The following EXOC6B variants were observed in gnomAD, a reference collection of about 807,000 sequenced individuals.
The protein encoded by EXOC6B is exocyst complex component 6B.
A neutral mutation model predicts 113.5 loss-of-function variants in EXOC6B; 54 were observed. The observed-to-expected ratio is 0.48, with a 90% CI of 0.38 to 0.60. The LOEUF is 0.60. EXOC6B is among the 20% of genes least tolerant of loss of function. EXOC6B has a pLI of 0.00. For synonymous variants in EXOC6B, 357 were observed against 339.0 expected (o/e 1.05, Z -0.58); for missense variants, 797 against 977.5 (o/e 0.82, Z 2.46).
chr2:72,449,869 C>T (rs369543595), intron 18 of EXOC6B, among the ~76,000 whole-genome samples: 1 of 152,230 alleles, frequency 6.6e-6, no homozygotes. Flanking sequence ...ACATGGATTG[C>T]CTTTGCACCA....
chr2:72,741,106 A>C (rs1244230649), intron 2 of EXOC6B, among the ~76,000 whole-genome samples, 198 bp downstream of exon 2: 4 of 152,152 alleles, frequency 2.6e-5, no homozygotes, highest in African/African-American at 9.7e-5. Context: ...TCCGCCTCAA[A>C]AAAAAAAGGG....
intron 8 of EXOC6B, among the ~76,000 whole-genome samples, chr2:72,520,753 A>G (rs1236560625): frequency 6.6e-6 from 1 of 152,224 alleles, no homozygotes; most frequent in Admixed American, 6.5e-5. Flanking sequence ...AATATGAGCA[A>G]ATATTCTCCT....
intron 18 of EXOC6B, among the ~76,000 whole-genome samples, chr2:72,387,454 C>T (rs1425783388): frequency 6.6e-6 from 1 of 151,976 alleles, no homozygotes; most frequent in Non-Finnish European, 1.5e-5. Flanking sequence ...GAAATCTCAG[C>T]CTGTAGTTTC....
intron 6 of EXOC6B, among the ~76,000 whole-genome samples, chr2:72,655,291 T>C (rs982547475): frequency 3.9e-5 from 6 of 152,172 alleles, no homozygotes; most frequent in Admixed American, 6.5e-5. Flanking sequence ...AATAACTGCA[T>C]GCTAACTTAT....
chr2:72,339,740 T>C (rs1011038852), intron 19 of EXOC6B, among the ~76,000 whole-genome samples: 13 of 152,132 alleles, frequency 8.5e-5, no homozygotes, highest in Non-Finnish European at 1.8e-4. Flanking sequence ...GCCAATTCAT[T>C]TGAAATTTAT....
At chr2:72,209,238 A>G (rs1371399787) in intron 20 of EXOC6B, among the ~76,000 whole-genome samples, 1 of 148,222 alleles carries the variant, frequency 6.7e-6, no homozygotes, top group African/African-American at 2.5e-5. Flanking sequence ...AAAAAAAAAA[A>G]AAAAAAAAAG....
At chr2:72,387,854 A>G (rs1054859650) in intron 18 of EXOC6B, among the ~76,000 whole-genome samples, 2 of 151,650 alleles carry the variant, frequency 1.3e-5, no homozygotes, top group African/African-American at 4.9e-5. Context: ...CCTTTTTCCT[A>G]TTGAGCTGGG....
Position 72,723,741 on chromosome 2 carries a change from T to TA in EXOC6B, c.465-5435dup, listed in dbSNP as rs538661620. 5.0e-3 allele frequency among the ~76,000 whole-genome samples: 542 copies of TA among 108,372 alleles called. 2 individuals are homozygous for TA. The highest frequency in any genetic ancestry group is 7.8e-3 in the African/African-American group (245 of 31,286). 71.1% of individuals were successfully genotyped at this position (108,372 alleles called of 152,430 possible). A position where few individuals can be genotyped will look rare whatever the true frequency, so the allele number is the denominator to read the frequency against. ...AGTAGAAAAATCAGTATTTATAGCT[T>TA]AAAAAAAAAAAAAAAAAAGACTTCT... is the stretch of plus-strand genomic sequence containing the variant. On this transcript the variant is annotated intron_variant, in intron 5 of 21. Coordinates refer to ENST00000272427, the MANE Select transcript of EXOC6B (RefSeq NM_015189.3).
intron 6 of EXOC6B, among the ~76,000 whole-genome samples, chr2:72,625,082 G>A (rs1280121102): frequency 6.7e-6 from 1 of 149,578 alleles, no homozygotes; most frequent in African/African-American, 2.5e-5. Context: ...GGGGTGGGTT[G>A]TTTTGTTTTG....
intron 19 of EXOC6B, among the ~76,000 whole-genome samples, chr2:72,351,242 A>C (rs776051753): frequency 8.5e-5 from 13 of 152,228 alleles, no homozygotes; most frequent in Non-Finnish European, 1.3e-4. Context: ...TGATGCCTAC[A>C]AAGAAAACAA....
chr2:72,638,126 CAG>C (rs899238257), intron 6 of EXOC6B, among the ~76,000 whole-genome samples: 1 of 151,946 alleles, frequency 6.6e-6, no homozygotes, highest in Non-Finnish European at 1.5e-5. Context: ...CTAAGAAAAA[CAG>C]AGAGAAGGTC....
At chr2:72,230,088 T>C (rs59269913) in intron 20 of EXOC6B, among the ~76,000 whole-genome samples, 8,179 of 151,244 alleles carry the variant, frequency 0.054, 251 homozygotes, top group African/African-American at 0.08. Flanking sequence ...AGAGTCTCTG[T>C]GGGAAAAAAA....
intron 6 of EXOC6B, among the ~76,000 whole-genome samples, chr2:72,604,062 A>G (rs1388168134): frequency 6.6e-6 from 1 of 152,204 alleles, no homozygotes; most frequent in Non-Finnish European, 1.5e-5. Flanking sequence ...TGCCAGAAAA[A>G]AAAAATCATC....
chr2:72,381,313 T>C (rs952445473), intron 18 of EXOC6B, among the ~76,000 whole-genome samples: 61 of 152,324 alleles, frequency 4.0e-4, no homozygotes, highest in African/African-American at 1.5e-3. Flanking sequence ...ATAGTATTCC[T>C]TTTTGGAAGT....
chr2:72,783,631 C>T (rs1684202457), intron 1 of EXOC6B, among the ~76,000 whole-genome samples: 1 of 152,056 alleles, frequency 6.6e-6, no homozygotes, highest in Middle Eastern at 3.4e-3. Context: ...CCCTGTTGGT[C>T]ATTTCTATGT....
At chr2:72,343,121 T>C (rs1190646783) in intron 19 of EXOC6B, among the ~76,000 whole-genome samples, 1 of 152,152 alleles carries the variant, frequency 6.6e-6, no homozygotes, top group African/African-American at 2.4e-5. Flanking sequence ...TGTATTCTTC[T>C]CTTAAATAAA....
At chr2:72,264,748 C>A (rs907143293) in intron 20 of EXOC6B, among the ~76,000 whole-genome samples, 2 of 151,862 alleles carry the variant, frequency 1.3e-5, no homozygotes, top group African/African-American at 4.8e-5. Flanking sequence ...GTGAGTCTCA[C>A]GAGATCTGAT....
chr2:72,328,393 G>A (rs1205762161), intron 20 of EXOC6B, among the ~76,000 whole-genome samples: 1 of 151,196 alleles, frequency 6.6e-6, no homozygotes, highest in Admixed American at 6.6e-5. Context: ...TTCCTAAAAC[G>A]GAACTATGGC....
At chr2:72,810,972 T>C (rs573085753) in intron 1 of EXOC6B, among the ~76,000 whole-genome samples, 2 of 150,280 alleles carry the variant, frequency 1.3e-5, no homozygotes, top group African/African-American at 2.5e-5. Context: ...ACTTAGGAGG[T>C]GAAGGTTCCA....
Sources: gnomAD v4.1 joint callset for allele counts (sites outside exome capture counted in the v4.1 genomes callset) on GRCh38, gnomAD v4.1.1 for gene constraint, MANE v1.5 for transcripts, NCBI Gene and HGNC (gene_info 2026-07-23, HGNC 2026-07-21) for gene names.